The following CHST7 variants were observed in gnomAD, a reference collection of about 807,000 sequenced individuals.
CHST7 encodes the protein N-acetylglucosamine 6-O-sulfotransferase 4.
CHST7 carries 5 observed loss-of-function variants against 9.0 expected under a neutral mutation model. The observed-to-expected ratio is 0.56, with a 90% CI of 0.29 to 1.17. CHST7 has a LOEUF of 1.17. Among genes scored for constraint, CHST7 ranks in the 50% most tolerant of loss-of-function variants. CHST7 has a pLI of 0.08. For missense variants in CHST7, 377 were observed against 485.1 expected (o/e 0.78, Z 2.09); for synonymous variants, 244 against 237.1 (o/e 1.03, Z -0.27).
intron 1 of CHST7, among the ~76,000 whole-genome samples, chrX:46,578,269 CTTTTTT>C (rs3071957): frequency 3.9e-5 from 2 of 51,338 alleles, no homozygotes; most frequent in Non-Finnish European, 6.2e-5. Flanking sequence ...CTGCCATGCT[CTTTTTT>C]TTTTTTTTTT....
At chrX:46,576,404 C>G (rs377085022) in intron 1 of CHST7, among the ~76,000 whole-genome samples, 2 of 111,697 alleles carry the variant, frequency 1.8e-5, no homozygotes, top group African/African-American at 6.5e-5. Context: ...GCAGGAGGAG[C>G]TTTGTGAAAA....
At chrX:46,591,839 A>G (rs1228169103) in intron 1 of CHST7, among the ~76,000 whole-genome samples, 5 of 110,327 alleles carry the variant, frequency 4.5e-5, no homozygotes, top group African/African-American at 6.6e-5. Context: ...CGTGCATTAG[A>G]TATTTGTCCT....
rs1252257075 is a variant in CHST7 at position 46,597,380 on chromosome X, A to T, written c.*32-380A>T. Among the ~76,000 whole-genome samples the T allele has an allele frequency of 2.7e-5, 3 of 112,015 alleles. No homozygotes were observed. The East Asian group carries it at 8.4e-4, about 31-fold the overall frequency. On this transcript the variant is annotated intron_variant, in intron 1 of 1. Coordinates refer to ENST00000276055, the MANE Select transcript of CHST7 (RefSeq NM_019886.4). Reference sequence around the variant, plus strand: ...GTTTTGCACATATGAACTGGTACATAAGTGAAGAATGGATGGGTACGTGGT... The same window carrying T: ...GTTTTGCACATATGAACTGGTACATTAGTGAAGAATGGATGGGTACGTGGT...
Position 46,575,063 on chromosome X carries a change from C to G in CHST7, c.1132C>G (p.Leu378Val). ...RRYLRLRYED[L>V]VRQPRAQLRR... is the part of the protein sequence containing the mutation. ...CTACCTGAGGCTGCGCTATGAGGAC[C>G]TGGTGCGGCAGCCACGCGCCCAGCT... is the stretch of plus-strand genomic sequence containing the variant. Residue 378 changes from leucine to valine, a missense_variant, in exon 1 of 2, where the codon CTG becomes GTG. Physicochemically the swap from Leu to Val is conservative, Grantham distance 32 (BLOSUM62 1). Coordinates refer to ENST00000276055, the MANE Select transcript of CHST7 (RefSeq NM_019886.4). The G allele has an allele frequency of 8.8e-7, 1 of 1,131,700 alleles. No homozygotes were observed. Among genetic ancestry groups the G allele is most frequent in the Non-Finnish European group, 1.2e-6 (1 of 864,966 alleles). 93.3% of individuals were successfully genotyped at this position (1,131,700 alleles called of 1,213,427 possible).
At position 46,574,108 on chromosome X, in the gene CHST7, G is replaced by A. The variant is rs1445956431; in HGVS notation, c.177G>A (p.Ala59=). The A allele has an allele frequency of 9.5e-6, 11 of 1,157,814 alleles. No homozygotes were observed. In the Admixed American group the frequency reaches 2.1e-4, roughly 22 times the overall value. Residue 59 remains alanine (A), a synonymous_variant, in exon 1 of 2, where the codon GCG becomes GCA. Transcript: ENST00000276055. ...GCCTGGGAGTGTGGAGCCTGGAGGC[G>A]GCGGCGGCCGGCGAACGCGAGCAGG... ...QRSLGVWSLE[A]AAAGEREQGA...
In CHST7 at chrX:46,573,828, C is replaced by T; in HGVS notation, c.-104C>T. 1 of 1,085,259 alleles carries T rather than the reference C, an allele frequency of 9.2e-7. No homozygotes were observed. The highest frequency in any genetic ancestry group is 1.2e-6 in the Non-Finnish European group (1 of 832,810). 89.4% of individuals were successfully genotyped at this position (1,085,259 alleles called of 1,213,427 possible). ...CGCGGCCCCGCGGCTCTGCTCCTCC[C>T]GGCGCAGAGGGGCCGGGAGAGGCCA... On this transcript the variant is annotated 5_prime_UTR_variant, in exon 1 of 2. Coordinates refer to ENST00000276055, the MANE Select transcript of CHST7 (RefSeq NM_019886.4).
rs1365272516 is a variant in CHST7 at position 46,575,131 on chromosome X, G to T, written c.1200G>T (p.Ala400=). 2 of 1,098,636 alleles carry T rather than the reference G, an allele frequency of 1.8e-6. No individual in the cohort carries two copies. The highest frequency in any genetic ancestry group is 1.9e-5 in the African/African-American group (1 of 51,921). 90.5% of individuals were successfully genotyped at this position (1,098,636 alleles called of 1,213,427 possible). ...TCTCCGGGCTACGCGCGCTCGCAGC[G>T]CTCGATGCCTTCGCGCTCAACATGA... ...LRFSGLRALA[A]LDAFALNMTR... The change falls in exon 1 of 2, where the codon GCG becomes GCT. Residue 400 remains alanine (A), a synonymous_variant. Transcript: ENST00000276055.
At chrX:46,588,736 T>C (rs1324372518) in intron 1 of CHST7, among the ~76,000 whole-genome samples, 1 of 112,040 alleles carries the variant, frequency 8.9e-6, no homozygotes, top group Non-Finnish European at 1.9e-5. Context: ...ATGCTTTTTT[T>C]TTAAAGTGAA....
rs1288915321 is a variant in CHST7, at chrX:46,574,416, G to A, written c.485G>A (p.Arg162His). The A allele has an allele frequency of 1.2e-5, 14 of 1,206,849 alleles. No homozygotes were observed. Among genetic ancestry groups the A allele is most frequent in the Non-Finnish European group, 1.6e-5 (14 of 894,882 alleles). ...ALRDMLRSLFRCDFSVLRLYA... is the reference protein window; with the variant it reads ...ALRDMLRSLFHCDFSVLRLYA... ...CGCGACATGCTGCGTTCGCTCTTCCGCTGCGACTTCTCCGTGCTGCGGCTG... is the reference window on the plus strand; with the variant it reads ...CGCGACATGCTGCGTTCGCTCTTCCACTGCGACTTCTCCGTGCTGCGGCTG... The change falls in exon 1 of 2, where the codon CGC (arginine) becomes CAC (histidine). Residue 162 changes from arginine (R) to histidine (H), a missense_variant. Coordinates refer to ENST00000276055, the MANE Select transcript of CHST7 (RefSeq NM_019886.4).
chrX:46,576,170 C>T (rs1942498562), intron 1 of CHST7, among the ~76,000 whole-genome samples: 1 of 103,828 alleles, frequency 9.6e-6, no homozygotes, highest in Admixed American at 1.0e-4. Context: ...TTTCCCCTCT[C>T]CCTCTCTTCC....
At chrX:46,575,498 T>C (rs2146635747) in intron 1 of CHST7, 75 bp downstream of exon 1, 1 of 847,215 alleles carries the variant, frequency 1.2e-6, no homozygotes, top group South Asian at 4.4e-5. Flanking sequence ...GAGGGGGAAG[T>C]GTAGGGGGGA....
At chrX:46,593,920 T>TTA (rs1942582712) in intron 1 of CHST7, among the ~76,000 whole-genome samples, 3 of 112,215 alleles carry the variant, frequency 2.7e-5, no homozygotes, top group South Asian at 7.4e-4. Flanking sequence ...TCCTGCCCCT[T>TTA]AAATAGTCTC....
chrX:46,590,298 C>T (rs1262667669), intron 1 of CHST7, among the ~76,000 whole-genome samples: 1 of 109,409 alleles, frequency 9.1e-6, no homozygotes. Flanking sequence ...TTATATAGGC[C>T]GAGTGTGGTG....
At chrX:46,587,309 G>A (rs1942554352) in intron 1 of CHST7, among the ~76,000 whole-genome samples, 1 of 110,653 alleles carries the variant, frequency 9.0e-6, no homozygotes, top group Non-Finnish European at 1.9e-5. Context: ...CTCCACTGGG[G>A]CCATCCAAGT....
intron 1 of CHST7, among the ~76,000 whole-genome samples, chrX:46,581,964 A>G (rs890044381): frequency 3.6e-5 from 4 of 112,135 alleles, no homozygotes; most frequent in African/African-American, 9.7e-5. Flanking sequence ...AGCAGCCACA[A>G]TATTTCTTGT....
chrX:46,589,541 C>T (rs1165587135), intron 1 of CHST7, among the ~76,000 whole-genome samples: 1 of 105,710 alleles, frequency 9.5e-6, no homozygotes, highest in Non-Finnish European at 1.9e-5. Flanking sequence ...CAGAGAGAGA[C>T]TCTGTCTCAA....
At chrX:46,582,828 G>T (rs999482427) in intron 1 of CHST7, among the ~76,000 whole-genome samples, 13 of 110,830 alleles carry the variant, frequency 1.2e-4, no homozygotes, top group Admixed American at 1.2e-3. Flanking sequence ...TTTAAATAAG[G>T]TTTAACCATT....
In CHST7 at chrX:46,575,228, G is replaced by A. The variant is rs1942492818; in HGVS notation, c.1297G>A (p.Ala433Thr). 9.1e-7 allele frequency: 1 copy of A among 1,102,967 alleles called. No individual in the cohort carries two copies. The highest frequency in any genetic ancestry group is 1.2e-6 in the Non-Finnish European group (1 of 848,803). 90.9% of individuals were successfully genotyped at this position (1,102,967 alleles called of 1,213,427 possible). A position where few individuals can be genotyped will look rare whatever the true frequency, so the allele number is the denominator to read the frequency against. Residue 433 changes from alanine to threonine, a missense_variant, in exon 1 of 2, where the codon GCC (alanine) becomes ACC (threonine). This residue lies in a region of CHST7 where 130 missense variants were observed against 134.9 expected (regional missense o/e 0.96). Transcript: ENST00000276055. ...SARDAREAVH[A>T]WRERLSREQV... ...GCGCGACGCCCGGGAGGCGGTGCACGCCTGGCGCGAGCGCCTGAGCCGAGA... is the reference window on the plus strand; with the variant it reads ...GCGCGACGCCCGGGAGGCGGTGCACACCTGGCGCGAGCGCCTGAGCCGAGA...
At chrX:46,585,710 C>A (rs1337098220) in intron 1 of CHST7, among the ~76,000 whole-genome samples, 1 of 112,021 alleles carries the variant, frequency 8.9e-6, no homozygotes, top group Non-Finnish European at 1.9e-5. Flanking sequence ...TTATTGAATG[C>A]CTTTTAAAAT....
Sources: allele counts gnomAD v4.1 joint callset (sites outside exome capture counted in the v4.1 genomes callset), GRCh38; gene constraint gnomAD v4.1.1; regional missense constraint gnomAD v4.1.1; transcripts MANE v1.5; gene names NCBI Gene and HGNC (gene_info 2026-07-23, HGNC 2026-07-21).